Variants in C4orf36 observed in about 807,000 individuals in gnomAD.
The protein encoded by C4orf36 is chromosome 4 open reading frame 36.
In C4orf36, 11 loss-of-function variants were observed where a neutral mutation model predicts 12.2. The ratio of observed to expected loss-of-function variants is 0.90; its 90% CI spans 0.57 to 1.49. C4orf36 has a LOEUF of 1.49. C4orf36 is among the 40% of genes most tolerant of loss of function. C4orf36 has a pLI of 0.00. For missense variants in C4orf36, 137 were observed against 133.9 expected (o/e 1.02, Z -0.11); for synonymous variants, 54 against 51.3 (o/e 1.05, Z -0.22).
At chr4:86,885,542 T>C (rs1156594692) in intron 4 of C4orf36, among the ~76,000 whole-genome samples, 1 of 152,218 alleles carries the variant, frequency 6.6e-6, no homozygotes, top group Non-Finnish European at 1.5e-5. Context: ...TTTTGCACAT[T>C]GATTTTGTAT....
the C4orf36 span, chr4:86,913,771 G>C: frequency 7.2e-6 from 10 of 1,393,620 alleles, no homozygotes; most frequent in Non-Finnish European, 1.0e-5. Context: ...TCTGACATCA[G>C]CTGCCCAAAG....
At chr4:86,900,308 C>T in the C4orf36 span, among the ~76,000 whole-genome samples, 3 of 152,150 alleles carry the variant, frequency 2.0e-5, no homozygotes, top group Non-Finnish European at 4.4e-5. Context: ...GCTGGGATTA[C>T]AGGAGTGAGC....
the C4orf36 span, among the ~76,000 whole-genome samples, chr4:86,898,637 T>C: frequency 9.2e-5 from 14 of 152,124 alleles, no homozygotes; most frequent in Non-Finnish European, 1.8e-4. Flanking sequence ...AATATTATTT[T>C]TGAGTCACAT....
chr4:86,910,326 C>T, the C4orf36 span, among the ~76,000 whole-genome samples: 1 of 151,972 alleles, frequency 6.6e-6, no homozygotes, highest in Non-Finnish European at 1.5e-5. Flanking sequence ...GCAGGAGAAT[C>T]ACTTGAACCC....
the C4orf36 span, chr4:86,913,888 G>A: frequency 9.7e-7 from 1 of 1,033,682 alleles, no homozygotes; most frequent in South Asian, 1.4e-5. Context: ...GAGTGCAGTG[G>A]CACGATCTCG....
At chr4:86,927,211 A>G in the C4orf36 span, among the ~76,000 whole-genome samples, 1 of 152,190 alleles carries the variant, frequency 6.6e-6, no homozygotes, top group African/African-American at 2.4e-5. Flanking sequence ...ATAAGCTTCA[A>G]AGGACAGATA....
At chr4:86,899,165 T>TA in the C4orf36 span, among the ~76,000 whole-genome samples, 245 of 151,734 alleles carry the variant, frequency 1.6e-3, no homozygotes, top group African/African-American at 5.7e-3. Context: ...TTTTACTCAA[T>TA]TTTTTTTTGT....
the C4orf36 span, chr4:86,933,060 A>C: frequency 6.6e-6 from 1 of 152,208 alleles, no homozygotes; most frequent in East Asian, 1.9e-4. Context: ...AAGTAGATAT[A>C]GTGTAATCAC....
At chr4:86,913,571 G>T in the C4orf36 span, 2 of 1,180,204 alleles carry the variant, frequency 1.7e-6, no homozygotes, top group Non-Finnish European at 2.5e-6. Flanking sequence ...GTCATGGCCA[G>T]CAGCCACCAC....
chr4:86,934,075 G>A, the C4orf36 span, among the ~76,000 whole-genome samples: 1 of 151,676 alleles, frequency 6.6e-6, no homozygotes, highest in East Asian at 1.9e-4. Context: ...GGCAGGGAGG[G>A]GCTTATTTTC....
At chr4:86,932,668 A>C in the C4orf36 span, among the ~76,000 whole-genome samples, 1 of 150,954 alleles carries the variant, frequency 6.6e-6, no homozygotes, top group Non-Finnish European at 1.5e-5. Flanking sequence ...ATTTTAAGTA[A>C]AATCATGGCT....
chr4:86,889,926 G>A, intron 2 of C4orf36: 1 of 382,460 alleles, frequency 2.6e-6, no homozygotes, highest in South Asian at 1.9e-5. Context: ...CGGGCATGGT[G>A]GCTCATGCCT....
chr4:86,921,835 T>G, the C4orf36 span, among the ~76,000 whole-genome samples: 1 of 152,218 alleles, frequency 6.6e-6, no homozygotes, highest in African/African-American at 2.4e-5. Flanking sequence ...AACTCCGCAT[T>G]CTTTCCTTCC....
At chr4:86,907,921 T>G in the C4orf36 span, among the ~76,000 whole-genome samples, 1 of 147,474 alleles carries the variant, frequency 6.8e-6, no homozygotes. Context: ...TGAGCCGAGA[T>G]CATGCCACTG....
the C4orf36 span, among the ~76,000 whole-genome samples, chr4:86,903,997 A>G: frequency 1.3e-5 from 2 of 152,252 alleles, no homozygotes; most frequent in Non-Finnish European, 2.9e-5. Flanking sequence ...AGCTAGACAC[A>G]GAGTGCTGAC....
At chr4:86,901,594 G>C in the C4orf36 span, among the ~76,000 whole-genome samples, 1 of 151,002 alleles carries the variant, frequency 6.6e-6, no homozygotes, top group African/African-American at 2.4e-5. Flanking sequence ...TGTATTTTTA[G>C]TAGAGATGGG....
Position 86,892,313 on chromosome 4 carries a change from G to T in C4orf36, c.-204C>A. ...TCCAGGGGCTCGGAGGGTCGCGGCC[G>T]GGGTACTGAGGTAAGAGCGCGCTGC... On this transcript the variant is annotated 5_prime_UTR_variant, in exon 1 of 5. Transcript: ENST00000295898. The T allele has an allele frequency of 1.0e-6, 1 of 985,536 alleles. No individual in the cohort carries two copies. Among genetic ancestry groups the T allele is most frequent in the Non-Finnish European group, 1.2e-6 (1 of 830,006 alleles). 61.0% of individuals were successfully genotyped at this position (985,536 alleles called of 1,614,324 possible).
the C4orf36 span, among the ~76,000 whole-genome samples, chr4:86,915,347 T>C: frequency 1.3e-5 from 2 of 152,254 alleles, no homozygotes; most frequent in African/African-American, 2.4e-5. Flanking sequence ...CCTTAGGTTC[T>C]GACTCTTCAC....
chr4:86,922,529 C>A, the C4orf36 span, among the ~76,000 whole-genome samples: 1 of 152,190 alleles, frequency 6.6e-6, no homozygotes, highest in Non-Finnish European at 1.5e-5. Context: ...CATTTGCCAG[C>A]TGGTGCAATG....
Sources: allele counts gnomAD v4.1 joint callset (sites outside exome capture counted in the v4.1 genomes callset), GRCh38; gene constraint gnomAD v4.1.1; transcripts MANE v1.5; gene names NCBI Gene and HGNC (gene_info 2026-07-23, HGNC 2026-07-21).